The following ACACA variants were observed in gnomAD, a reference collection of about 807,000 sequenced individuals.
The protein encoded by ACACA is acetyl-CoA carboxylase alpha.
A neutral mutation model predicts 296.1 loss-of-function variants in ACACA; 103 were observed. That is an observed-to-expected ratio of 0.35 (90% confidence interval 0.30 to 0.41). ACACA has a LOEUF of 0.41. Among genes scored for constraint, ACACA ranks in the 10% least tolerant of loss-of-function variants. The pLI is 1.00. For missense variants in ACACA, 1,554 were observed against 2,989.7 expected (o/e 0.52, Z 11.20); for synonymous variants, 953 against 1,038.6 (o/e 0.92, Z 1.58).
chr17:37,264,250 C>T (rs2081644235), intron 10 of ACACA, among the ~76,000 whole-genome samples: 1 of 152,184 alleles, frequency 6.6e-6, no homozygotes, highest in African/African-American at 2.4e-5. Flanking sequence ...CAACTTGTTC[C>T]AGACAAGATA....
chr17:37,188,569 T>C, intron 38 of ACACA, 89 bp from the exon 39 acceptor site: 4 of 1,116,226 alleles, frequency 3.6e-6, no homozygotes, highest in South Asian at 3.1e-5. Flanking sequence ...AAAGAAGGGG[T>C]AAAAAAAAAA....
intron 1 of ACACA, among the ~76,000 whole-genome samples, chr17:37,366,610 A>G (rs2049614107): frequency 6.6e-6 from 1 of 151,826 alleles, no homozygotes; most frequent in South Asian, 2.1e-4. Flanking sequence ...CTGGGATTAC[A>G]GGCACCTGCC....
chr17:37,342,436 A>AAAAAAAAAT, intron 1 of ACACA, among the ~76,000 whole-genome samples: 1 of 58,218 alleles, frequency 1.7e-5, no homozygotes, highest in Non-Finnish European at 2.9e-5. Context: ...AAAAAAAAAA[A>AAAAAAAAAT]ATATATATAT....
intron 41 of ACACA, among the ~76,000 whole-genome samples, chr17:37,175,413 A>T (rs1304056222): frequency 6.6e-6 from 1 of 152,236 alleles, no homozygotes; most frequent in Non-Finnish European, 1.5e-5. Flanking sequence ...TATAGCTTCC[A>T]CCAAAAGATC....
chr17:37,305,968 G>A (rs548691354), intron 3 of ACACA, among the ~76,000 whole-genome samples: 1 of 143,384 alleles, frequency 7.0e-6, no homozygotes, highest in East Asian at 2.2e-4. Context: ...GAGTGCAGTG[G>A]CACTATCTCG....
chr17:37,250,155 T>TA (rs1253363719), intron 16 of ACACA, among the ~76,000 whole-genome samples: 1 of 152,222 alleles, frequency 6.6e-6, no homozygotes, highest in African/African-American at 2.4e-5. Context: ...AACAGACTAA[T>TA]ACACATATAT....
rs576918049 is a variant in ACACA at position 37,174,153 on chromosome 17, G to A, written c.5079+5107C>T. Among the ~76,000 whole-genome samples, 17 of 147,662 alleles carry A rather than the reference G, an allele frequency of 1.2e-4. No individual in the cohort carries two copies. The East Asian group carries it at 3.2e-3, about 27-fold the overall frequency. On this transcript the variant is annotated intron_variant, in intron 41 of 55. Transcript: ENST00000616317. ...TGGGATTACAGGCATGCGCCACCGC[G>A]CCTGGCTGTCAGCTAGTCTTTAAAC... is the stretch of plus-strand genomic sequence containing the variant.
chr17:37,091,565 G>A (rs1221245820), intron 54 of ACACA, among the ~76,000 whole-genome samples: 1 of 152,022 alleles, frequency 6.6e-6, no homozygotes, highest in Non-Finnish European at 1.5e-5. Context: ...CTTCCACTGG[G>A]TTATGGAGTT....
chr17:37,375,288 C>T (rs563048065), intron 1 of ACACA, among the ~76,000 whole-genome samples: 1 of 152,166 alleles, frequency 6.6e-6, no homozygotes, highest in Non-Finnish European at 1.5e-5. Context: ...AGATTAAGAC[C>T]ATCCTGTCTA....
At chr17:37,318,029 T>C (rs1417137649) in intron 3 of ACACA, among the ~76,000 whole-genome samples, 1 of 152,054 alleles carries the variant, frequency 6.6e-6, no homozygotes, top group Non-Finnish European at 1.5e-5. Context: ...AGTAGAAAGT[T>C]TGGAGAGCTA....
At position 37,372,870 on chromosome 17, in the gene ACACA, A is replaced by G. The variant is rs192556330; in HGVS notation, c.39-33020T>C. On this transcript the variant is annotated intron_variant, in intron 1 of 55. Transcript: ENST00000616317. ...TAGAAACATGGATCTATTTGTCTAC[A>G]CTTGGATTTTTTTTTTTTTTGGTGG... Among the ~76,000 whole-genome samples the G allele has an allele frequency of 7.9e-3, 1,195 of 151,566 alleles. 11 individuals are homozygous for G. Among genetic ancestry groups the G allele is most frequent in the African/African-American group, 0.028 (1,136 of 41,218 alleles).
chr17:37,163,414 C>T (rs538989445), intron 41 of ACACA, among the ~76,000 whole-genome samples: 1 of 152,082 alleles, frequency 6.6e-6, no homozygotes, highest in African/African-American at 2.4e-5. Flanking sequence ...AAATAAACAT[C>T]TTTTCTTTAT....
chr17:37,241,491 G>C (rs1489625306), intron 23 of ACACA, among the ~76,000 whole-genome samples: 1 of 152,098 alleles, frequency 6.6e-6, no homozygotes, highest in Non-Finnish European at 1.5e-5. Context: ...GGTCATTTGA[G>C]CCCAAGAGTT....
intron 1 of ACACA, chr17:37,386,185 G>A: frequency 8.9e-7 from 1 of 1,122,102 alleles, no homozygotes; most frequent in Non-Finnish European, 1.3e-6. Flanking sequence ...AATGGGAACA[G>A]AAAAGAAACA....
intron 45 of ACACA, among the ~76,000 whole-genome samples, chr17:37,134,625 C>T (rs1329812131): frequency 2.0e-5 from 3 of 152,210 alleles, no homozygotes; most frequent in Non-Finnish European, 4.4e-5. Context: ...TCTATTCCTT[C>T]TCTTCCTCTT....
Position 37,406,275 on chromosome 17 carries a change from T to C in ACACA, c.25A>G (p.Ile9Val), listed in dbSNP as rs1319723441. The C allele has an allele frequency of 1.1e-5, 17 of 1,614,116 alleles. No individual in the cohort carries two copies. The highest frequency in any genetic ancestry group is 1.3e-5 in the African/African-American group (1 of 74,940). The change falls in exon 1 of 56, where the codon ATC becomes GTC. Residue 9 changes from isoleucine (I) to valine (V), a missense_variant. By Grantham distance (29) the Ile-to-Val change is conservative. Transcript: ENST00000616317. The part of the protein sequence containing the change: MWWSTLMS[I>V]LRARSFWKWI... ...CTTGGGACATACCTAGCCCTCAAGA[T>C]TGACATCAGAGTAGACCACCACATC... is the stretch of plus-strand genomic sequence containing the variant.
intron 3 of ACACA, among the ~76,000 whole-genome samples, chr17:37,313,243 G>C (rs2046934353): frequency 6.6e-6 from 1 of 151,738 alleles, no homozygotes; most frequent in South Asian, 2.1e-4. Context: ...AACCACCATT[G>C]CATACATTTA....
chr17:37,391,795 T>C (rs879581718), intron 1 of ACACA: 2 of 1,338,948 alleles, frequency 1.5e-6, no homozygotes, highest in East Asian at 2.3e-5. Flanking sequence ...GGCACATTCT[T>C]GCCAATTTCA....
chr17:37,314,820 T>C (rs2047010526), intron 3 of ACACA, among the ~76,000 whole-genome samples: 1 of 151,498 alleles, frequency 6.6e-6, no homozygotes, highest in Non-Finnish European at 1.5e-5. Flanking sequence ...TTTGTATCTT[T>C]AGTAGAGACG....
Sources: allele counts gnomAD v4.1 joint callset (sites outside exome capture counted in the v4.1 genomes callset), GRCh38; gene constraint gnomAD v4.1.1; transcripts MANE v1.5; gene names NCBI Gene and HGNC (gene_info 2026-07-23, HGNC 2026-07-21).